The following PPP3CC variants were observed in gnomAD, a reference collection of about 807,000 sequenced individuals.
PPP3CC encodes the protein protein phosphatase 3 catalytic subunit gamma.
PPP3CC carries 35 observed loss-of-function variants against 60.3 expected under a neutral mutation model. That is an observed-to-expected ratio of 0.58 (90% CI 0.44 to 0.77). The LOEUF is 0.77. Among genes scored for constraint, PPP3CC ranks in the 30% least tolerant of loss-of-function variants. PPP3CC has a pLI of 0.00. For synonymous variants in PPP3CC, 206 were observed against 224.3 expected (o/e 0.92, Z 0.73); for missense variants, 570 against 628.9 (o/e 0.91, Z 1.00).
intron 6 of PPP3CC, among the ~76,000 whole-genome samples, chr8:22,515,901 T>C (rs1239443181): frequency 6.8e-6 from 1 of 146,096 alleles, no homozygotes; most frequent in Non-Finnish European, 1.5e-5. Context: ...AAGTCTTTTT[T>C]TCTTTCTTCT....
intron 3 of PPP3CC, among the ~76,000 whole-genome samples, chr8:22,486,326 G>A (rs995558931): frequency 1.3e-5 from 2 of 152,034 alleles, no homozygotes; most frequent in Non-Finnish European, 2.9e-5. Flanking sequence ...CCAGCCCCAG[G>A]GAATGAATTC....
chr8:22,499,161 C>T (rs1317971409), intron 4 of PPP3CC, among the ~76,000 whole-genome samples: 14 of 150,780 alleles, frequency 9.3e-5, no homozygotes, highest in South Asian at 2.1e-4. Flanking sequence ...CAAAACAGGC[C>T]GGGCGCGGTG....
Position 22,540,993 on chromosome 8 carries a change from A to C in PPP3CC, c.*191A>C, listed in dbSNP as rs1238873517. On this transcript the variant is annotated 3_prime_UTR_variant, in exon 14 of 14. Coordinates refer to ENST00000240139, the MANE Select transcript of PPP3CC (RefSeq NM_005605.5). The stretch of plus-strand genomic sequence containing the variant: ...TAATTTATGTTCAATATATATAAAA[A>C]GTGCATCTGTTTTGTTTTTCCCTTT... 2.3e-6 allele frequency: 1 copy of C among 428,070 alleles called. No homozygotes were observed. The highest frequency in any genetic ancestry group is 3.9e-6 in the Non-Finnish European group (1 of 256,964). The allele number at this position is 428,070 out of a possible 1,614,324, so 26.5% of individuals were successfully genotyped here.
intron 4 of PPP3CC, among the ~76,000 whole-genome samples, chr8:22,508,509 T>C (rs904255014): frequency 2.6e-5 from 4 of 152,212 alleles, no homozygotes; most frequent in Non-Finnish European, 5.9e-5. Context: ...ATTTTTGACC[T>C]CCTGTTTTAA....
At chr8:22,511,461 G>T (rs539789166) in intron 5 of PPP3CC, among the ~76,000 whole-genome samples, 6 of 152,094 alleles carry the variant, frequency 3.9e-5, no homozygotes, top group African/African-American at 1.4e-4. Flanking sequence ...GTAGAGACGG[G>T]GTTTCACCAT....
chr8:22,458,777 A>C (rs1168606897), intron 1 of PPP3CC, among the ~76,000 whole-genome samples: 1 of 152,058 alleles, frequency 6.6e-6, no homozygotes, highest in African/African-American at 2.4e-5. Flanking sequence ...TCAAAGGAGG[A>C]TACTGGATAA....
chr8:22,479,287 T>G (rs555603479), intron 3 of PPP3CC, among the ~76,000 whole-genome samples: 2 of 152,282 alleles, frequency 1.3e-5, no homozygotes, highest in South Asian at 2.1e-4. Flanking sequence ...ACAAAAACTT[T>G]CTACAAATCA....
At chr8:22,460,407 G>T (rs1390083458) in intron 1 of PPP3CC, among the ~76,000 whole-genome samples, 1 of 151,936 alleles carries the variant, frequency 6.6e-6, no homozygotes. Context: ...GCCCAGGCTG[G>T]TCTCAAACTC....
intron 5 of PPP3CC, 38 bp from the exon 6 acceptor site, chr8:22,513,255 T>A (rs1398613335): frequency 1.3e-6 from 2 of 1,596,132 alleles, no homozygotes; most frequent in Non-Finnish European, 1.7e-6. Context: ...CCTTTTGCTC[T>A]CCTGATTTTT....
At position 22,466,517 on chromosome 8, in the gene PPP3CC, C is replaced by G. The variant is rs539228770; in HGVS notation, c.50-8437C>G. Among the ~76,000 whole-genome samples the G allele has an allele frequency of 9.2e-5, 14 of 152,318 alleles. No individual in the cohort carries two copies. In the South Asian group the frequency reaches 1.0e-3, roughly 11 times the overall value. On this transcript the variant is annotated intron_variant, in intron 1 of 13. Transcript: ENST00000240139. Reference sequence around the variant, plus strand: ...TCCTGACTTTTTAATGATCACCATTCTAACTGGTGTGAGATGGTATCTTAT... The same window carrying G: ...TCCTGACTTTTTAATGATCACCATTGTAACTGGTGTGAGATGGTATCTTAT...
At chr8:22,518,031 T>A (rs1471694301) in intron 6 of PPP3CC, among the ~76,000 whole-genome samples, 1 of 151,916 alleles carries the variant, frequency 6.6e-6, no homozygotes, top group African/African-American at 2.4e-5. Context: ...TCCCATACAT[T>A]TTGATATGTA....
rs543985090 is a variant in PPP3CC at position 22,459,308 on chromosome 8, T to C, written c.50-15646T>C. Among the ~76,000 whole-genome samples, 18 of 152,350 alleles carry C rather than the reference T, an allele frequency of 1.2e-4. No individual in the cohort carries two copies. The East Asian group carries it at 3.1e-3, about 26-fold the overall frequency. On this transcript the variant is annotated intron_variant, in intron 1 of 13. Transcript: ENST00000240139. Reference sequence around the variant, plus strand: ...TACAGAGCTGCAAATTTCTTACTTTTCTTTAGTGCAATCCATGTGTGAAAT... The same window carrying C: ...TACAGAGCTGCAAATTTCTTACTTTCCTTTAGTGCAATCCATGTGTGAAAT...
intron 1 of PPP3CC, among the ~76,000 whole-genome samples, chr8:22,449,166 T>C (rs191497239): frequency 3.7e-4 from 57 of 152,096 alleles, no homozygotes; most frequent in African/African-American, 1.3e-3. Flanking sequence ...AGAAATGGCT[T>C]GGCTGGGCGC....
chr8:22,499,577 C>T (rs1225227444), intron 4 of PPP3CC, among the ~76,000 whole-genome samples: 5 of 152,162 alleles, frequency 3.3e-5, no homozygotes, highest in Admixed American at 3.3e-4. Flanking sequence ...GGCAATACAG[C>T]GAGACTCCAT....
At chr8:22,471,977 A>C (rs993202747) in intron 1 of PPP3CC, among the ~76,000 whole-genome samples, 4 of 151,924 alleles carry the variant, frequency 2.6e-5, no homozygotes, top group Admixed American at 6.6e-5. Flanking sequence ...AAATACAAAA[A>C]TTAGCCAGGC....
chr8:22,497,543 T>TG (rs1563742789), intron 3 of PPP3CC, among the ~76,000 whole-genome samples: 1 of 152,170 alleles, frequency 6.6e-6, no homozygotes, highest in African/African-American at 2.4e-5. Context: ...TCATTGATTT[T>TG]GGGGGGTTAT....
intron 3 of PPP3CC, among the ~76,000 whole-genome samples, chr8:22,486,252 T>C (rs950708804): frequency 1.3e-5 from 2 of 152,206 alleles, no homozygotes; most frequent in African/African-American, 4.8e-5. Flanking sequence ...CTCTATTTTA[T>C]TCAGATAGAT....
At position 22,528,529 on chromosome 8, in the gene PPP3CC, C is replaced by G. The variant is rs1839620995; in HGVS notation, c.1093C>G (p.Leu365Val). Residue 365 changes from leucine (L) to valine (V), a missense_variant, in exon 10 of 14, where the codon CTC becomes GTC. Leu to Val is a conservative substitution (Grantham distance 32). Coordinates refer to ENST00000240139, the MANE Select transcript of PPP3CC (RefSeq NM_005605.5). ...AGTCACAGAGATGCTGGTAAATGTGCTCAACATATGCTCTGATGACGAACT... is the reference window on the plus strand; with the variant it reads ...AGTCACAGAGATGCTGGTAAATGTGGTCAACATATGCTCTGATGACGAACT... ...EKVTEMLVNV[L>V]NICSDDELIS... 1.9e-6 allele frequency: 3 copies of G among 1,555,742 alleles called. No individual in the cohort carries two copies. Among genetic ancestry groups the G allele is most frequent in the Non-Finnish European group, 2.6e-6 (3 of 1,146,026 alleles).
chr8:22,463,880 G>A (rs1261988806), intron 1 of PPP3CC, among the ~76,000 whole-genome samples: 1 of 151,110 alleles, frequency 6.6e-6, no homozygotes, highest in African/African-American at 2.4e-5. Flanking sequence ...TCCGCCTCCT[G>A]GATTCAAGCA....
Sources: allele counts gnomAD v4.1 joint callset (sites outside exome capture counted in the v4.1 genomes callset), GRCh38; gene constraint gnomAD v4.1.1; transcripts MANE v1.5; gene names NCBI Gene and HGNC (gene_info 2026-07-23, HGNC 2026-07-21).